The following SESN3 variants were observed in gnomAD, a reference collection of about 807,000 sequenced individuals.
The protein encoded by SESN3 is sestrin-3.
SESN3 carries 21 observed loss-of-function variants against 55.3 expected under a neutral mutation model. The ratio of observed to expected loss-of-function variants is 0.38; its 90% CI spans 0.27 to 0.55. The LOEUF (loss-of-function observed/expected upper bound fraction) is 0.55. Among genes scored for constraint, SESN3 ranks in the 20% least tolerant of loss-of-function variants. SESN3 has a pLI of 0.76. For synonymous variants in SESN3, 181 were observed against 203.1 expected (o/e 0.89, Z 0.93); for missense variants, 408 against 604.3 (o/e 0.68, Z 3.41).
chr11:95,204,298 T>A lies in SESN3; in HGVS notation c.79-10776A>T, dbSNP rs1405925236. On this transcript the variant is annotated intron_variant, in intron 1 of 9. Coordinates refer to ENST00000536441, the MANE Select transcript of SESN3 (RefSeq NM_144665.4). ...TGACTAGCAAGGTACCTGAGATAAATAGGCATTTAAATAAATGACAATTAT... is the reference window on the plus strand; with the variant it reads ...TGACTAGCAAGGTACCTGAGATAAAAAGGCATTTAAATAAATGACAATTAT... Among the ~76,000 whole-genome samples, 7 of 152,262 alleles carry A rather than the reference T, an allele frequency of 4.6e-5. No individual in the cohort carries two copies. In the East Asian group the frequency reaches 1.2e-3, roughly 25 times the overall value.
chr11:95,209,139 C>A (rs567256082), intron 1 of SESN3, among the ~76,000 whole-genome samples: 1 of 151,380 alleles, frequency 6.6e-6, no homozygotes, highest in African/African-American at 2.4e-5. Flanking sequence ...AGGCAATCTA[C>A]AGAATGGGAG....
chr11:95,221,025 G>A (rs918722905), intron 1 of SESN3, among the ~76,000 whole-genome samples: 3 of 152,054 alleles, frequency 2.0e-5, no homozygotes, highest in Admixed American at 6.5e-5. Flanking sequence ...AGTCACAGCC[G>A]GGCTGGGTGG....
At chr11:95,223,490 A>G (rs1860895995) in intron 1 of SESN3, among the ~76,000 whole-genome samples, 1 of 152,216 alleles carries the variant, frequency 6.6e-6, no homozygotes, top group South Asian at 2.1e-4. Flanking sequence ...TTCAAAGTGA[A>G]GGAACTTTGT....
intron 1 of SESN3, among the ~76,000 whole-genome samples, chr11:95,206,151 G>C (rs749299842): frequency 1.3e-5 from 2 of 151,812 alleles, no homozygotes; most frequent in Non-Finnish European, 2.9e-5. Flanking sequence ...CCTCATAAAA[G>C]TGGTTTATCT....
Position 95,231,016 on chromosome 11 carries a change from G to C in SESN3, c.-156C>G, listed in dbSNP as rs1430862061. On this transcript the variant is annotated 5_prime_UTR_variant, in exon 1 of 10. Coordinates refer to ENST00000536441, the MANE Select transcript of SESN3 (RefSeq NM_144665.4). Reference sequence around the variant, plus strand: ...CGGGAGGAGAGGCGACTGCCTGAAAGCTAGCGGCACTGCCAGAGGCGACCA... The same window carrying C: ...CGGGAGGAGAGGCGACTGCCTGAAACCTAGCGGCACTGCCAGAGGCGACCA... The C allele has an allele frequency of 2.2e-6, 1 of 464,304 alleles. No individual in the cohort carries two copies. Among genetic ancestry groups the C allele is most frequent in the East Asian group, 3.5e-5 (1 of 28,226 alleles). The allele number at this position is 464,304 out of a possible 1,614,324, so 28.8% of individuals were successfully genotyped here.
intron 1 of SESN3, among the ~76,000 whole-genome samples, chr11:95,212,334 TTCTC>T (rs935603821): frequency 2.6e-5 from 4 of 151,594 alleles, no homozygotes; most frequent in African/African-American, 9.7e-5. Flanking sequence ...GAAAACATCT[TTCTC>T]TCTAACCACA....
At chr11:95,225,781 T>G (rs1860936668) in intron 1 of SESN3, among the ~76,000 whole-genome samples, 1 of 152,076 alleles carries the variant, frequency 6.6e-6, no homozygotes, top group African/African-American at 2.4e-5. Flanking sequence ...TTAAAAGACT[T>G]TTACTTCCAT....
At chr11:95,223,101 G>C (rs1313635835) in intron 1 of SESN3, among the ~76,000 whole-genome samples, 1 of 152,082 alleles carries the variant, frequency 6.6e-6, no homozygotes, top group Non-Finnish European at 1.5e-5. Flanking sequence ...AGACCACACT[G>C]AATGCAGGTA....
intron 1 of SESN3, among the ~76,000 whole-genome samples, chr11:95,212,511 C>T (rs1023524848): frequency 2.0e-5 from 3 of 152,054 alleles, no homozygotes; most frequent in African/African-American, 7.2e-5. Context: ...TAGATTAACA[C>T]ACAGTGCTCA....
chr11:95,172,548 T>C lies in SESN3; in HGVS notation c.*707A>G, dbSNP rs1859870402. The C allele has an allele frequency of 6.6e-6, 1 of 152,170 alleles. No individual in the cohort carries two copies. The highest frequency in any genetic ancestry group is 6.5e-5 in the Admixed American group (1 of 15,274). 9.4% of individuals were successfully genotyped at this position (152,170 alleles called of 1,614,324 possible). A position where few individuals can be genotyped will look rare whatever the true frequency, so the allele number is the denominator to read the frequency against. ...CTTCCATTTTAGAAGAGAAAGAAAA[T>C]AGCTGAATTTGGCATTTCAGTAGCA... On this transcript the variant is annotated 3_prime_UTR_variant, in exon 10 of 10. Coordinates refer to ENST00000536441, the MANE Select transcript of SESN3 (RefSeq NM_144665.4).
intron 1 of SESN3, among the ~76,000 whole-genome samples, chr11:95,201,938 T>C (rs1463539356): frequency 2.0e-5 from 3 of 151,986 alleles, no homozygotes; most frequent in African/African-American, 7.2e-5. Context: ...TTTGAACCAG[T>C]GTATTCCTGA....
Position 95,171,632 on chromosome 11 carries a change from T to C in SESN3, c.*1623A>G, listed in dbSNP as rs571396324. On this transcript the variant is annotated 3_prime_UTR_variant, in exon 10 of 10. Coordinates refer to ENST00000536441, the MANE Select transcript of SESN3 (RefSeq NM_144665.4). The stretch of plus-strand genomic sequence containing the variant: ...CACAAGTAAGTCTAAAATGAAATAT[T>C]TGCGGGAACTCTAACAGAAAATTTT... The C allele has an allele frequency of 1.8e-4, 28 of 152,160 alleles. No individual in the cohort carries two copies. The highest frequency in any genetic ancestry group is 3.8e-4 in the Non-Finnish European group (26 of 68,000). The allele number at this position is 152,160 out of a possible 1,614,324, so 9.4% of individuals were successfully genotyped here.
intron 1 of SESN3, among the ~76,000 whole-genome samples, chr11:95,223,333 C>T (rs1860892816): frequency 6.6e-6 from 1 of 152,188 alleles, no homozygotes; most frequent in South Asian, 2.1e-4. Flanking sequence ...CCCCACACTT[C>T]TCAGCTTTCA....
chr11:95,188,387 C>A (rs1860205573), intron 4 of SESN3, among the ~76,000 whole-genome samples: 10 of 151,718 alleles, frequency 6.6e-5, no homozygotes, highest in Admixed American at 5.9e-4. Flanking sequence ...CACAAATATT[C>A]TGTTAATATT....
Position 95,173,055 on chromosome 11 carries a change from TG to T in SESN3, c.*199del. On this transcript the variant is annotated 3_prime_UTR_variant, in exon 10 of 10. Coordinates refer to ENST00000536441, the MANE Select transcript of SESN3 (RefSeq NM_144665.4). ...TGCTCCTCAGTATTATTTTTGCAATTGTTAGTAATGTTAAGCATCAAGGAAA... is the reference window on the plus strand; with the variant it reads ...TGCTCCTCAGTATTATTTTTGCAATTTTAGTAATGTTAAGCATCAAGGAAA... The T allele has an allele frequency of 2.2e-6, 1 of 455,332 alleles. No individual in the cohort carries two copies. The highest frequency in any genetic ancestry group is 4.0e-6 in the Non-Finnish European group (1 of 250,098). The allele number at this position is 455,332 out of a possible 1,614,324, so 28.2% of individuals were successfully genotyped here.
chr11:95,193,714 A>T (rs1476334855), intron 1 of SESN3, among the ~76,000 whole-genome samples, 192 bp from the exon 2 acceptor site: 1 of 152,078 alleles, frequency 6.6e-6, no homozygotes, highest in African/African-American at 2.4e-5. Context: ...TGGGGCAAAC[A>T]CCTACCATAG....
At chr11:95,209,949 G>A (rs557545416) in intron 1 of SESN3, among the ~76,000 whole-genome samples, 10 of 143,188 alleles carry the variant, frequency 7.0e-5, no homozygotes, top group East Asian at 6.1e-4. Context: ...TCCAGGAGGC[G>A]AAGGTTGCAG....
At chr11:95,214,663 T>TA (rs925238999) in intron 1 of SESN3, among the ~76,000 whole-genome samples, 1 of 152,056 alleles carries the variant, frequency 6.6e-6, no homozygotes, top group Non-Finnish European at 1.5e-5. Flanking sequence ...AAAGAATTTT[T>TA]AAAAAACAAC....
rs1481464488 is a variant in SESN3, at chr11:95,209,541, A to G, written c.79-16019T>C. ...AAATACCATTTGACCCAGCAATCCC[A>G]TTAGTGGGTATATACTCAAAGGATT... On this transcript the variant is annotated intron_variant, in intron 1 of 9. Coordinates refer to ENST00000536441, the MANE Select transcript of SESN3 (RefSeq NM_144665.4). Among the ~76,000 whole-genome samples the G allele has an allele frequency of 4.0e-5, 6 of 151,532 alleles. No homozygotes were observed. In the East Asian group the frequency reaches 1.2e-3, roughly 29 times the overall value.
Sources: gnomAD v4.1 joint callset for allele counts (sites outside exome capture counted in the v4.1 genomes callset) on GRCh38, gnomAD v4.1.1 for gene constraint, MANE v1.5 for transcripts, NCBI Gene and HGNC (gene_info 2026-07-23, HGNC 2026-07-21) for gene names.